Variants in PHLDB3 observed in about 807,000 individuals in gnomAD.
The protein encoded by PHLDB3 is pleckstrin homology-like domain family B member 3.
In PHLDB3, 86 loss-of-function variants were observed where a neutral mutation model predicts 85.7. The ratio of observed to expected loss-of-function variants is 1.00; its 90% CI spans 0.84 to 1.20. PHLDB3 has a LOEUF of 1.20. Ranked by LOEUF, PHLDB3 falls within the 50% of genes most tolerant of loss-of-function variation. PHLDB3 has a pLI of 0.00. For synonymous variants in PHLDB3, 376 were observed against 349.8 expected, an observed-to-expected ratio of 1.07 and a Z score of -0.83; for missense variants, 995 against 873.0, an observed-to-expected ratio of 1.14 and a Z score of -1.76.
rs1970910555 is a variant in PHLDB3 at position 43,475,561 on chromosome 19, G to A, written c.1789-17C>T. 1 of 1,613,636 alleles carries A rather than the reference G, an allele frequency of 6.2e-7. No individual in the cohort carries two copies. Among genetic ancestry groups the A allele is most frequent in the African/African-American group, 1.3e-5 (1 of 74,920 alleles). ...GTTGGGGCTCTGGAATAAGCAGAAAGTGAGGGTAATTCAGACAAAAGACAC... is the reference window on the plus strand; with the variant it reads ...GTTGGGGCTCTGGAATAAGCAGAAAATGAGGGTAATTCAGACAAAAGACAC... On this transcript the variant is annotated splice_polypyrimidine_tract_variant and intron_variant, in intron 15 of 15. Coordinates refer to ENST00000292140, the MANE Select transcript of PHLDB3 (RefSeq NM_198850.4).
intron 4 of PHLDB3, 137 bp downstream of exon 4, chr19:43,501,597 C>T: frequency 1.4e-6 from 2 of 1,437,222 alleles, no homozygotes; most frequent in East Asian, 5.0e-5. Context: ...GGGGCATCTG[C>T]CCCTCACTCT....
intron 4 of PHLDB3, among the ~76,000 whole-genome samples, chr19:43,499,360 G>A (rs775173514): frequency 4.6e-5 from 7 of 151,736 alleles, no homozygotes; most frequent in Non-Finnish European, 7.4e-5. Flanking sequence ...GCTGGGGCCT[G>A]GATTCCTGGA....
In PHLDB3 at chr19:43,494,688, C is replaced by T. The variant is rs768966710; in HGVS notation, c.1149+14G>A. Reference sequence around the variant, plus strand: ...ATAAGATATATGGGGAAACAGAGGCCGTGGGGGAGGCACCTGCAGGGAGCT... The same window carrying T: ...ATAAGATATATGGGGAAACAGAGGCTGTGGGGGAGGCACCTGCAGGGAGCT... On this transcript the variant is annotated intron_variant, in intron 9 of 15. Transcript: ENST00000292140. 7 of 1,589,548 alleles carry T rather than the reference C, an allele frequency of 4.4e-6. No homozygotes were observed. The highest frequency in any genetic ancestry group is 2.7e-5 in the African/African-American group (2 of 74,372).
At chr19:43,490,181 A>G (rs963322365) in intron 9 of PHLDB3, among the ~76,000 whole-genome samples, 3 of 152,128 alleles carry the variant, frequency 2.0e-5, no homozygotes, top group Admixed American at 6.6e-5. Context: ...GAAATCGATC[A>G]TTGAACTGTG....
chr19:43,477,264 T>C (rs1285662369), intron 15 of PHLDB3, among the ~76,000 whole-genome samples: 1 of 152,070 alleles, frequency 6.6e-6, no homozygotes, highest in Non-Finnish European at 1.5e-5. Flanking sequence ...CTCACGCCTG[T>C]AATCCGAGCA....
chr19:43,487,029 C>T lies in PHLDB3; in HGVS notation c.1244G>A (p.Cys415Tyr), dbSNP rs749797812. 2.4e-5 allele frequency: 37 copies of T among 1,565,396 alleles called. No individual in the cohort carries two copies. Among genetic ancestry groups the T allele is most frequent in the Non-Finnish European group, 3.1e-5 (36 of 1,158,464 alleles). ...GGGAACAGGGGGATCCTCACCAGTA[C>T]AATGGAAGGACAGAGGTCGGGGGGA... ...RGSPRPLSFHCTESLEASALP... is the reference protein window; with the variant it reads ...RGSPRPLSFHYTESLEASALP... The change falls in exon 10 of 16, where the codon TGT becomes TAT. Residue 415 changes from cysteine to tyrosine, a missense_variant. Coordinates refer to ENST00000292140, the MANE Select transcript of PHLDB3 (RefSeq NM_198850.4).
chr19:43,478,552 CAG>C (rs1471947139), intron 14 of PHLDB3, among the ~76,000 whole-genome samples: 1 of 152,164 alleles, frequency 6.6e-6, no homozygotes, highest in South Asian at 2.1e-4. Context: ...CCAGAGCTGA[CAG>C]AGCCAGGACT....
intron 4 of PHLDB3, among the ~76,000 whole-genome samples, chr19:43,499,429 G>T (rs1971537766): frequency 6.6e-6 from 1 of 151,948 alleles, no homozygotes. Flanking sequence ...AGGAGCTGGG[G>T]GTCTGGACTC....
chr19:43,499,719 T>C (rs1032439855), intron 4 of PHLDB3, among the ~76,000 whole-genome samples: 1 of 152,108 alleles, frequency 6.6e-6, no homozygotes, highest in African/African-American at 2.4e-5. Context: ...CTGATGGATG[T>C]TACAATCTTC....
rs201575122 is a variant in PHLDB3 at position 43,501,835 on chromosome 19, C to T, written c.433G>A (p.Ala145Thr). The T allele has an allele frequency of 2.1e-4, 340 of 1,591,424 alleles. 2 individuals carry two copies. In the African/African-American group the frequency reaches 4.2e-3, roughly 20 times the overall value. Residue 145 changes from alanine (A) to threonine (T), a missense_variant, in exon 4 of 16, where the codon GCT becomes ACT. By Grantham distance (58) the Ala-to-Thr change is moderately conservative (BLOSUM62 0). Transcript: ENST00000292140. ...VEVALLRGELAGERVAARREE... is the reference protein window; with the variant it reads ...VEVALLRGELTGERVAARREE... ...CGGCGAGCGGCCACTCGCTCCCCAG[C>T]CAGCTCACCCCGCAGCAAGGCCACC...
intron 6 of PHLDB3, 131 bp from the exon 7 acceptor site, chr19:43,495,751 G>A (rs1239677325): frequency 1.5e-6 from 2 of 1,342,092 alleles, no homozygotes; most frequent in Non-Finnish European, 9.9e-7. Context: ...AGTGTCCAGG[G>A]CTGGGGACCC....
At chr19:43,485,050 C>T (rs1364571802) in intron 13 of PHLDB3, among the ~76,000 whole-genome samples, 1 of 151,524 alleles carries the variant, frequency 6.6e-6, no homozygotes, top group South Asian at 2.1e-4. Flanking sequence ...AATATATATA[C>T]CTAGTACATA....
chr19:43,487,185 C>T, intron 9 of PHLDB3, 62 bp from the exon 10 acceptor site: 1 of 1,407,726 alleles, frequency 7.1e-7, no homozygotes, highest in South Asian at 1.2e-5. Flanking sequence ...TAAGTCAGAG[C>T]ACTGCCCAGT....
Position 43,504,098 on chromosome 19 carries a change from G to T in PHLDB3, c.21C>A (p.Pro7=). MGTRSS[P]EEGTPPPLVP... is the part of the protein sequence containing the mutation. ...CCAGCGGCGGCGGGGTCCCCTCCTC[G>T]GGGCTGCTTCGCGTCCCCATGGCCG... The change falls in exon 2 of 16, where the codon CCC becomes CCA. Residue 7 remains proline, a synonymous_variant. Coordinates refer to ENST00000292140, the MANE Select transcript of PHLDB3 (RefSeq NM_198850.4). 5.6e-6 allele frequency: 9 copies of T among 1,605,628 alleles called. No individual in the cohort carries two copies. Among genetic ancestry groups the T allele is most frequent in the Non-Finnish European group, 7.6e-6 (9 of 1,176,582 alleles).
At chr19:43,497,089 G>A (rs749994477) in intron 6 of PHLDB3, 29 bp downstream of exon 6, 3 of 1,409,676 alleles carry the variant, frequency 2.1e-6, no homozygotes, top group Non-Finnish European at 2.8e-6. Context: ...GAGCAGCAAG[G>A]GGGGCAGCGC....
chr19:43,502,740 G>A (rs1258144033), intron 2 of PHLDB3, among the ~76,000 whole-genome samples: 1 of 149,368 alleles, frequency 6.7e-6, no homozygotes, highest in African/African-American at 2.5e-5. Flanking sequence ...ACAGGCATAA[G>A]CCACCGCGCC....
chr19:43,504,313 C>T (rs1971701285), intron 1 of PHLDB3, 181 bp from the exon 2 acceptor site: 3 of 627,228 alleles, frequency 4.8e-6, no homozygotes, highest in South Asian at 4.1e-5. Flanking sequence ...CTTGATGGCT[C>T]CAAGGCGACA....
Position 43,504,395 on chromosome 19 carries a change from C to T in PHLDB3, c.-15+194G>A, listed in dbSNP as rs77050827. On this transcript the variant is annotated intron_variant, in intron 1 of 15. Coordinates refer to ENST00000292140, the MANE Select transcript of PHLDB3 (RefSeq NM_198850.4). ...CCCCTACTGACCTCTTCGACCCCGC[C>T]TCCCCTCCCTCATCTCTAGGTGTCA... is the stretch of plus-strand genomic sequence containing the variant. 1.9e-3 allele frequency: 1,017 copies of T among 542,100 alleles called. 6 individuals carry two copies. The highest frequency in any genetic ancestry group is 0.018 in the African/African-American group (922 of 50,716). 33.6% of individuals were successfully genotyped at this position (542,100 alleles called of 1,614,324 possible).
At chr19:43,497,454 C>G (rs111749013) in intron 5 of PHLDB3, among the ~76,000 whole-genome samples, 175 bp from the exon 6 acceptor site, 3,706 of 152,232 alleles carry the variant, frequency 0.024, 178 homozygotes, top group African/African-American at 0.084. Flanking sequence ...GTGGCTCACG[C>G]CTGTAATCCC....
Sources: gnomAD v4.1 joint callset for allele counts (sites outside exome capture counted in the v4.1 genomes callset) on GRCh38, gnomAD v4.1.1 for gene constraint, MANE v1.5 for transcripts, NCBI Gene and HGNC (gene_info 2026-07-23, HGNC 2026-07-21) for gene names.